KIAA1217: variants seen among roughly 807,000 people sequenced by gnomAD.
The protein encoded by KIAA1217 is sickle tail protein homolog.
A neutral mutation model predicts 163.9 loss-of-function variants in KIAA1217; 88 were observed. The observed-to-expected ratio is 0.54, with a 90% CI of 0.45 to 0.64. KIAA1217 has a LOEUF of 0.64. Among genes scored for constraint, KIAA1217 ranks in the 30% least tolerant of loss-of-function variants. The pLI is 0.00. For missense variants in KIAA1217, 2,372 were observed against 2,475.0 expected (o/e 0.96, Z 0.88); for synonymous variants, 903 against 923.1 (o/e 0.98, Z 0.39).
intron 1 of KIAA1217, among the ~76,000 whole-genome samples, chr10:23,893,406 T>C (rs951194565): frequency 1.3e-5 from 2 of 152,016 alleles, no homozygotes; most frequent in Non-Finnish European, 2.9e-5. Flanking sequence ...GTCTTGCTAG[T>C]GGTCTATCAA....
chr10:24,486,110 A>C (rs1392240873), intron 6 of KIAA1217, among the ~76,000 whole-genome samples: 1 of 152,070 alleles, frequency 6.6e-6, no homozygotes, highest in African/African-American at 2.4e-5. Flanking sequence ...ACAGCTACCC[A>C]TTGGGCCAAG....
chr10:23,912,149 A>G (rs1452305405), intron 1 of KIAA1217, among the ~76,000 whole-genome samples: 1 of 152,104 alleles, frequency 6.6e-6, no homozygotes, highest in Non-Finnish European at 1.5e-5. Flanking sequence ...TGAGGGAAGT[A>G]AAACATTGAC....
intron 2 of KIAA1217, among the ~76,000 whole-genome samples, chr10:24,010,151 G>A (rs1847176594): frequency 1.3e-5 from 2 of 151,584 alleles, no homozygotes; most frequent in African/African-American, 2.4e-5. Context: ...CTTACTTTAA[G>A]TTTCAGAAAA....
chr10:23,954,890 A>G (rs1844492387), intron 1 of KIAA1217, among the ~76,000 whole-genome samples: 1 of 152,156 alleles, frequency 6.6e-6, no homozygotes. Flanking sequence ...GAAAAATAAT[A>G]GAAAGAACAT....
chr10:24,492,138 T>C (rs1331709752), intron 6 of KIAA1217, among the ~76,000 whole-genome samples: 2 of 152,186 alleles, frequency 1.3e-5, no homozygotes, highest in Non-Finnish European at 2.9e-5. Flanking sequence ...TCCGAGGAAG[T>C]CATTCATTTC....
At chr10:24,053,428 T>C (rs142291715) in intron 2 of KIAA1217, among the ~76,000 whole-genome samples, 148 of 152,258 alleles carry the variant, frequency 9.7e-4, no homozygotes, top group Non-Finnish European at 1.6e-3. Flanking sequence ...AATATATATA[T>C]ATAGCATTAT....
chr10:24,145,605 G>A (rs2085152145), intron 2 of KIAA1217, among the ~76,000 whole-genome samples: 1 of 152,174 alleles, frequency 6.6e-6, no homozygotes, highest in Non-Finnish European at 1.5e-5. Context: ...TGATCACAAG[G>A]TGAAGTCCCA....
intron 2 of KIAA1217, among the ~76,000 whole-genome samples, chr10:24,276,853 C>T (rs770082545): frequency 1.7e-4 from 26 of 152,024 alleles, no homozygotes; most frequent in Non-Finnish European, 2.4e-4. Flanking sequence ...TGTGATCCGT[C>T]CGCCTCAGCC....
intron 1 of KIAA1217, among the ~76,000 whole-genome samples, chr10:23,742,658 A>T (rs1346210509): frequency 6.6e-6 from 1 of 152,184 alleles, no homozygotes; most frequent in Non-Finnish European, 1.5e-5. Flanking sequence ...CACCAAGGGG[A>T]TGGCCCAAGC....
chr10:24,227,142 G>GGAT (rs2070683121), intron 2 of KIAA1217, among the ~76,000 whole-genome samples: 1 of 55,882 alleles, frequency 1.8e-5, no homozygotes, highest in East Asian at 4.0e-4. Context: ...AGATATAAAG[G>GGAT]GATTATTATT....
chr10:23,949,811 T>C (rs1844244437), intron 1 of KIAA1217, among the ~76,000 whole-genome samples: 1 of 152,212 alleles, frequency 6.6e-6, no homozygotes, highest in African/African-American at 2.4e-5. Context: ...TTAAATGCTC[T>C]AGTTTGTTTG....
intron 1 of KIAA1217, among the ~76,000 whole-genome samples, chr10:23,867,254 T>G (rs1009365271): frequency 2.0e-5 from 3 of 152,158 alleles, no homozygotes; most frequent in Non-Finnish European, 2.9e-5. Context: ...CTATCATTAT[T>G]GGACATTTGG....
At chr10:24,491,199 A>C (rs1252255285) in intron 6 of KIAA1217, among the ~76,000 whole-genome samples, 1 of 149,612 alleles carries the variant, frequency 6.7e-6, no homozygotes, top group Non-Finnish European at 1.5e-5. Flanking sequence ...GACATTCTAT[A>C]GTTCTAACCT....
upstream of KIAA1217, among the ~76,000 whole-genome samples, chr10:24,206,162 GTAT>G (rs957094974): frequency 3.9e-5 from 6 of 152,216 alleles, no homozygotes; most frequent in East Asian, 1.2e-3. Flanking sequence ...TAGCCTCCTG[GTAT>G]TATTATTATT....
At chr10:24,320,730 G>A (rs2044025816) in intron 2 of KIAA1217, among the ~76,000 whole-genome samples, 2 of 152,058 alleles carry the variant, frequency 1.3e-5, no homozygotes, top group Admixed American at 1.3e-4. Flanking sequence ...ATTCTCATAA[G>A]TCACCTAAGA....
At chr10:23,857,607 T>A (rs987330424) in intron 1 of KIAA1217, among the ~76,000 whole-genome samples, 1 of 152,072 alleles carries the variant, frequency 6.6e-6, no homozygotes, top group Non-Finnish European at 1.5e-5. Context: ...AGGTCTAGGG[T>A]CGGGGCCCAG....
intron 1 of KIAA1217, among the ~76,000 whole-genome samples, chr10:23,762,165 T>A (rs963213791): frequency 1.3e-5 from 2 of 152,140 alleles, no homozygotes; most frequent in African/African-American, 4.8e-5. Flanking sequence ...ACCAGATGGA[T>A]TCATAGCTGA....
chr10:24,008,133 A>G (rs1373599995), intron 2 of KIAA1217, among the ~76,000 whole-genome samples: 1 of 151,804 alleles, frequency 6.6e-6, no homozygotes, highest in Non-Finnish European at 1.5e-5. Flanking sequence ...AAATTTTGGT[A>G]TTTAATCCAT....
chr10:23,706,029 T>C (rs766644471), intron 1 of KIAA1217, among the ~76,000 whole-genome samples: 2 of 152,176 alleles, frequency 1.3e-5, no homozygotes, highest in Non-Finnish European at 2.9e-5. Context: ...GTAAATGGAA[T>C]TGTTTGCTTA....
Sources: gnomAD v4.1 joint callset for allele counts (sites outside exome capture counted in the v4.1 genomes callset) on GRCh38, gnomAD v4.1.1 for gene constraint, MANE v1.5 for transcripts, NCBI Gene and HGNC (gene_info 2026-07-23, HGNC 2026-07-21) for gene names.